The following TBC1D22A variants were observed in gnomAD, a reference collection of about 807,000 sequenced individuals.
The protein encoded by TBC1D22A is putative GTPase activator.
In TBC1D22A, 38 loss-of-function variants were observed where a neutral mutation model predicts 60.2. The observed-to-expected ratio is 0.63, with a 90% CI of 0.49 to 0.83. TBC1D22A has a LOEUF of 0.83. Among genes scored for constraint, TBC1D22A ranks in the 40% least tolerant of loss-of-function variants. The probability of loss-of-function intolerance (pLI) is 0.00; values close to 1 mark genes in which losing one functional copy is unlikely to be tolerated. For missense variants in TBC1D22A, 628 were observed against 701.0 expected, an observed-to-expected ratio of 0.90 and a Z score of 1.18; for synonymous variants, 302 against 281.7, an observed-to-expected ratio of 1.07 and a Z score of -0.72.
At chr22:47,117,138 T>C (rs2066094106) in intron 12 of TBC1D22A, 1 of 154,336 alleles carries the variant, frequency 6.5e-6, no homozygotes, top group Non-Finnish European at 1.4e-5. Context: ...TGAAGTGATT[T>C]GGTGAACTTG....
chr22:47,011,307 C>T (rs2061745103), intron 10 of TBC1D22A, among the ~76,000 whole-genome samples: 3 of 152,122 alleles, frequency 2.0e-5, no homozygotes, highest in Admixed American at 1.3e-4. Context: ...TGCCTGTGGT[C>T]GGGCCCTCTA....
rs557603368 is a variant in TBC1D22A, at chr22:46,995,283, G to A, written c.1126-2351G>A. ...TGAAGGTGGCAAACGGAGTTTTCGT[G>A]GTTCTGCCCTCAGAGATGTGACAGT... On this transcript the variant is annotated intron_variant, in intron 9 of 12. Coordinates refer to ENST00000337137, the MANE Select transcript of TBC1D22A (RefSeq NM_014346.5). 2.3e-3 allele frequency among the ~76,000 whole-genome samples: 345 copies of A among 152,300 alleles called. 1 individual carries two copies. Among genetic ancestry groups the A allele is most frequent in the African/African-American group, 7.9e-3 (330 of 41,568 alleles).
intron 12 of TBC1D22A, among the ~76,000 whole-genome samples, chr22:47,157,675 A>C (rs1170037579): frequency 1.3e-5 from 2 of 152,118 alleles, no homozygotes; most frequent in African/African-American, 4.8e-5. Flanking sequence ...CTGGTTCCAC[A>C]GCTCGCTGAC....
In TBC1D22A at chr22:46,888,792, C is replaced by T. The variant is rs537739435; in HGVS notation, c.709-2474C>T. 2.0e-5 allele frequency among the ~76,000 whole-genome samples: 3 copies of T among 152,310 alleles called. No homozygotes were observed. The South Asian group carries it at 6.2e-4, about 32-fold the overall frequency. On this transcript the variant is annotated intron_variant, in intron 5 of 12. Coordinates refer to ENST00000337137, the MANE Select transcript of TBC1D22A (RefSeq NM_014346.5). ...GCATGATCTTGGCTCACTGCACCTT[C>T]CCTCCCGGGTTCAAGTGATTCTCCT...
chr22:46,921,371 A>T (rs962840613), intron 8 of TBC1D22A, among the ~76,000 whole-genome samples: 1 of 152,206 alleles, frequency 6.6e-6, no homozygotes, highest in African/African-American at 2.4e-5. Flanking sequence ...TGGTTCTTTT[A>T]GGATAATGAC....
intron 11 of TBC1D22A, among the ~76,000 whole-genome samples, chr22:47,056,827 G>T (rs1340646631): frequency 1.3e-5 from 2 of 152,214 alleles, no homozygotes; most frequent in East Asian, 3.9e-4. Context: ...GTGGTCTTCA[G>T]AGTGGGGTCA....
In TBC1D22A at chr22:47,018,219, A is replaced by T. The variant is rs5769290; in HGVS notation, c.1202-18852A>T. On this transcript the variant is annotated intron_variant, in intron 10 of 12. Transcript: ENST00000337137. ...CTTCCTATCCATGGAAGGGGCGCCC[A>T]TGGAGGGGCGGAGTTTTCCCTGTGT... Among the ~76,000 whole-genome samples the T allele has an allele frequency of 1.6e-3, 246 of 152,342 alleles. 9 individuals are homozygous for T. In the East Asian group the frequency reaches 0.042, roughly 26 times the overall value.
At chr22:46,904,142 T>TCTATCTATCTATCTATCTATCTGC (rs57116517) in intron 7 of TBC1D22A, among the ~76,000 whole-genome samples, 7 of 134,496 alleles carry the variant, frequency 5.2e-5, no homozygotes, top group African/African-American at 2.1e-4. Flanking sequence ...TATCTATCTA[T>TCTATCTATCTATCTATCTATCTGC]CTACCTACCT....
At chr22:46,826,697 C>T (rs2086082149) in intron 4 of TBC1D22A, among the ~76,000 whole-genome samples, 1 of 152,132 alleles carries the variant, frequency 6.6e-6, no homozygotes, top group African/African-American at 2.4e-5. Flanking sequence ...CCGGAGCTTG[C>T]TTGAGTGCTA....
chr22:46,972,053 G>T (rs1054273537), intron 8 of TBC1D22A, among the ~76,000 whole-genome samples: 1 of 152,174 alleles, frequency 6.6e-6, no homozygotes, highest in African/African-American at 2.4e-5. Flanking sequence ...TCCTAGCCCC[G>T]CATTCGAGGA....
intron 8 of TBC1D22A, among the ~76,000 whole-genome samples, chr22:46,955,189 A>G (rs952064507): frequency 6.6e-6 from 1 of 152,214 alleles, no homozygotes; most frequent in African/African-American, 2.4e-5. Context: ...TAAAAATTAA[A>G]ATACCAATTA....
chr22:47,062,604 G>A (rs1233666495), intron 11 of TBC1D22A, among the ~76,000 whole-genome samples: 2 of 152,106 alleles, frequency 1.3e-5, no homozygotes, highest in Non-Finnish European at 2.9e-5. Flanking sequence ...TTCCTGTCAC[G>A]ACATAAAATG....
intron 10 of TBC1D22A, among the ~76,000 whole-genome samples, chr22:47,018,400 A>G (rs1417967125): frequency 6.6e-6 from 1 of 152,214 alleles, no homozygotes; most frequent in Non-Finnish European, 1.5e-5. Context: ...TGAAGAGTAC[A>G]GGTGCCCCCA....
At chr22:46,833,150 CTCTT>C (rs2086381940) in intron 4 of TBC1D22A, among the ~76,000 whole-genome samples, 1 of 152,320 alleles carries the variant, frequency 6.6e-6, no homozygotes, top group East Asian at 1.9e-4. Context: ...ATGAGTTAAT[CTCTT>C]TCTATTTAAG....
intron 11 of TBC1D22A, among the ~76,000 whole-genome samples, chr22:47,093,250 G>A (rs1274990445): frequency 6.6e-6 from 1 of 152,184 alleles, no homozygotes; most frequent in African/African-American, 2.4e-5. Context: ...CGGCCAGCAG[G>A]CCCTGTGATC....
intron 12 of TBC1D22A, among the ~76,000 whole-genome samples, chr22:47,129,365 T>C (rs2066602252): frequency 6.6e-6 from 1 of 152,228 alleles, no homozygotes; most frequent in South Asian, 2.1e-4. Context: ...TAATCCCAGC[T>C]ACTTGGGAGG....
At chr22:47,093,952 G>C (rs1190006636) in intron 11 of TBC1D22A, among the ~76,000 whole-genome samples, 1 of 152,188 alleles carries the variant, frequency 6.6e-6, no homozygotes, top group African/African-American at 2.4e-5. Context: ...AGCCCAGGAG[G>C]TGGGAACTCA....
chr22:46,984,405 A>AAAAG (rs1569304186), intron 9 of TBC1D22A, among the ~76,000 whole-genome samples: 4 of 135,310 alleles, frequency 3.0e-5, no homozygotes, highest in South Asian at 2.4e-4. Flanking sequence ...AAAAAAAAAA[A>AAAAG]AGAGAAGTTC....
chr22:46,812,746 GT>G (rs2085436200), intron 4 of TBC1D22A, among the ~76,000 whole-genome samples: 2 of 152,208 alleles, frequency 1.3e-5, no homozygotes, highest in African/African-American at 2.4e-5. Flanking sequence ...ACTGACCCTT[GT>G]TTTATTATCA....
Sources: gnomAD v4.1 joint callset for allele counts (sites outside exome capture counted in the v4.1 genomes callset) on GRCh38, gnomAD v4.1.1 for gene constraint, MANE v1.5 for transcripts, NCBI Gene and HGNC (gene_info 2026-07-23, HGNC 2026-07-21) for gene names.